Variants in GAB2 observed in about 807,000 individuals in gnomAD.
GAB2 encodes the protein GRB2-associated-binding protein 2.
A neutral mutation model predicts 65.5 loss-of-function variants in GAB2; 26 were observed. The ratio of observed to expected loss-of-function variants is 0.40; its 90% CI spans 0.29 to 0.55. The LOEUF (loss-of-function observed/expected upper bound fraction) is 0.55. Ranked by LOEUF, GAB2 falls within the 20% of genes least tolerant of loss-of-function variation. The probability of loss-of-function intolerance (pLI) is 0.53; values close to 1 mark genes in which losing one functional copy is unlikely to be tolerated. For synonymous variants in GAB2, 321 were observed against 329.6 expected (o/e 0.97, Z 0.28); for missense variants, 884 against 875.8 (o/e 1.01, Z -0.12).
At chr11:78,393,617 C>T (rs1183003258) in intron 1 of GAB2, among the ~76,000 whole-genome samples, 1 of 152,180 alleles carries the variant, frequency 6.6e-6, no homozygotes, top group African/African-American at 2.4e-5. Flanking sequence ...GAATCAGACC[C>T]TCTTTTGCAG....
chr11:78,362,339 T>C (rs1000243752), intron 1 of GAB2, among the ~76,000 whole-genome samples: 1 of 152,128 alleles, frequency 6.6e-6, no homozygotes, highest in African/African-American at 2.4e-5. Context: ...GCATGTATTA[T>C]CTATTAAATT....
chr11:78,274,225 TC>T (rs1352539871), intron 2 of GAB2, among the ~76,000 whole-genome samples: 1 of 151,988 alleles, frequency 6.6e-6, no homozygotes, highest in Non-Finnish European at 1.5e-5. Flanking sequence ...GCCACTGCAC[TC>T]CAGCCTGGGC....
At chr11:78,311,521 A>T (rs1406534579) in intron 1 of GAB2, among the ~76,000 whole-genome samples, 1 of 152,194 alleles carries the variant, frequency 6.6e-6, no homozygotes, top group Non-Finnish European at 1.5e-5. Flanking sequence ...GAGCATTTGA[A>T]CTGGGCTTCA....
intron 1 of GAB2, among the ~76,000 whole-genome samples, chr11:78,398,974 C>G (rs1856936773): frequency 6.6e-6 from 1 of 152,188 alleles, no homozygotes; most frequent in Non-Finnish European, 1.5e-5. Flanking sequence ...GATAACAACT[C>G]TAACAGATTC....
At chr11:78,321,615 G>A (rs548158125) in intron 1 of GAB2, among the ~76,000 whole-genome samples, 24 of 152,270 alleles carry the variant, frequency 1.6e-4, no homozygotes, top group African/African-American at 5.3e-4. Context: ...CTAGAGGAGG[G>A]AGAAGATTAT....
intron 1 of GAB2, among the ~76,000 whole-genome samples, chr11:78,340,181 A>G (rs1008709553): frequency 1.3e-5 from 2 of 152,202 alleles, no homozygotes; most frequent in Admixed American, 6.5e-5. Context: ...AGTCTGTAGA[A>G]TGACTGCCCT....
chr11:78,230,040 CTG>C (rs1221909711), intron 3 of GAB2, among the ~76,000 whole-genome samples: 14 of 152,236 alleles, frequency 9.2e-5, no homozygotes, highest in African/African-American at 2.4e-4. Flanking sequence ...TGCCAACAGA[CTG>C]TGATTTCCTT....
At chr11:78,371,968 T>A (rs1451748709) in intron 1 of GAB2, among the ~76,000 whole-genome samples, 2 of 152,092 alleles carry the variant, frequency 1.3e-5, no homozygotes, top group Admixed American at 1.3e-4. Flanking sequence ...AAAATCATAC[T>A]ATATTTTGTA....
chr11:78,231,336 GGTGTGTGTGTGTGTGT>G (rs58651538), intron 3 of GAB2, among the ~76,000 whole-genome samples: 4 of 145,796 alleles, frequency 2.7e-5, no homozygotes, highest in East Asian at 2.0e-4. Context: ...GCGCGTGTGT[GGTGTGTGTGTGTGTGT>G]GTGTGTGTGT....
At chr11:78,253,799 G>A (rs541893374) in intron 2 of GAB2, among the ~76,000 whole-genome samples, 12 of 152,142 alleles carry the variant, frequency 7.9e-5, no homozygotes, top group African/African-American at 2.4e-4. Flanking sequence ...CAATAAATAC[G>A]CGTTGATCAA....
At chr11:78,274,936 T>C (rs962797755) in intron 2 of GAB2, among the ~76,000 whole-genome samples, 1 of 152,236 alleles carries the variant, frequency 6.6e-6, no homozygotes, top group Non-Finnish European at 1.5e-5. Context: ...AACTGTCCCG[T>C]GTTCTAGCTG....
intron 1 of GAB2, among the ~76,000 whole-genome samples, chr11:78,336,743 C>T (rs1405345939): frequency 1.3e-5 from 2 of 152,022 alleles, no homozygotes; most frequent in South Asian, 4.1e-4. Context: ...TCAACAATAA[C>T]CATCATCAAA....
chr11:78,285,630 G>A (rs984081345), intron 1 of GAB2, among the ~76,000 whole-genome samples: 6 of 152,176 alleles, frequency 3.9e-5, no homozygotes, highest in Admixed American at 2.0e-4. Context: ...ACTATGCCCA[G>A]CTAATTTTGT....
rs550439338 is a variant in GAB2 at position 78,238,268 on chromosome 11, G to A, written c.621-11217C>T. Among the ~76,000 whole-genome samples the A allele has an allele frequency of 1.5e-3, 224 of 151,272 alleles. No homozygotes were observed. The South Asian group carries it at 0.015, about 10-fold the overall frequency. On this transcript the variant is annotated intron_variant, in intron 3 of 9. Transcript: ENST00000361507. ...AAGATTTGAAGAGGCCAGGTGTGGT[G>A]GCTCATTCCAGCACTTTGGGAAGCT...
At chr11:78,246,323 A>G (rs1210155855) in intron 3 of GAB2, among the ~76,000 whole-genome samples, 1 of 152,116 alleles carries the variant, frequency 6.6e-6, no homozygotes, top group African/African-American at 2.4e-5. Context: ...TCTGTGTCTG[A>G]TAATTCCAAC....
intron 3 of GAB2, among the ~76,000 whole-genome samples, chr11:78,231,416 T>C (rs913747260): frequency 6.6e-6 from 1 of 151,926 alleles, no homozygotes; most frequent in Non-Finnish European, 1.5e-5. Context: ...TGATGCAATC[T>C]TGGCTCACTG....
intron 1 of GAB2, among the ~76,000 whole-genome samples, chr11:78,332,201 C>T (rs895118764): frequency 1.3e-5 from 2 of 152,160 alleles, no homozygotes; most frequent in Admixed American, 1.3e-4. Flanking sequence ...GAAAAGATTT[C>T]CTGCAAGCAG....
At chr11:78,239,282 G>A (rs541874795) in intron 3 of GAB2, among the ~76,000 whole-genome samples, 18 of 152,150 alleles carry the variant, frequency 1.2e-4, no homozygotes, top group East Asian at 9.6e-4. Context: ...GTACAATGGC[G>A]TGATCTAAGT....
chr11:78,373,252 T>C (rs1206825422), intron 1 of GAB2, among the ~76,000 whole-genome samples: 1 of 151,936 alleles, frequency 6.6e-6, no homozygotes, highest in Non-Finnish European at 1.5e-5. Flanking sequence ...TTTTTTTTTT[T>C]TTTTGAGATG....
Sources: gnomAD v4.1 joint callset for allele counts (sites outside exome capture counted in the v4.1 genomes callset) on GRCh38, gnomAD v4.1.1 for gene constraint, MANE v1.5 for transcripts, NCBI Gene and HGNC (gene_info 2026-07-23, HGNC 2026-07-21) for gene names.